AUH: variants seen among roughly 807,000 people sequenced by gnomAD.
The protein encoded by AUH is methylglutaconyl-CoA hydratase, mitochondrial.
Under a neutral mutation model 42.3 loss-of-function variants are expected in AUH, and 29 were observed. That is an observed-to-expected ratio of 0.69 (90% confidence interval 0.51 to 0.93). The LOEUF (loss-of-function observed/expected upper bound fraction) is 0.93, where lower values mean the gene tolerates loss of function less well. Among genes scored for constraint, AUH ranks in the 40% least tolerant of loss-of-function variants. AUH has a pLI of 0.00. For missense variants in AUH, 452 were observed against 438.1 expected, an observed-to-expected ratio of 1.03 and a Z score of -0.28; for synonymous variants, 174 against 166.4, an observed-to-expected ratio of 1.05 and a Z score of -0.35.
At chr9:91,223,007 A>G (rs1827220810) in intron 6 of AUH, among the ~76,000 whole-genome samples, 1 of 152,228 alleles carries the variant, frequency 6.6e-6, no homozygotes, top group Admixed American at 6.5e-5. Flanking sequence ...AACTTAACAA[A>G]GTAATGGTCA....
At chr9:91,288,866 T>C (rs900713302) in intron 6 of AUH, among the ~76,000 whole-genome samples, 2 of 152,314 alleles carry the variant, frequency 1.3e-5, no homozygotes, top group Non-Finnish European at 2.9e-5. Context: ...ATATGTTCAA[T>C]AGAAATATTA....
intron 6 of AUH, among the ~76,000 whole-genome samples, chr9:91,268,392 G>A (rs1386604381): frequency 6.6e-6 from 1 of 151,952 alleles, no homozygotes; most frequent in Admixed American, 6.6e-5. Flanking sequence ...GAAAGTGCAA[G>A]GACCACACAC....
chr9:91,224,756 T>C (rs1225209033), intron 6 of AUH, among the ~76,000 whole-genome samples: 1 of 152,190 alleles, frequency 6.6e-6, no homozygotes, highest in Non-Finnish European at 1.5e-5. Flanking sequence ...GGCAAGAAAT[T>C]ATCCCAGTTT....
chr9:91,306,985 T>C (rs983770515), intron 4 of AUH, among the ~76,000 whole-genome samples: 2 of 152,102 alleles, frequency 1.3e-5, no homozygotes, highest in Non-Finnish European at 2.9e-5. Flanking sequence ...AGCGAATACA[T>C]ACAAAAATTA....
chr9:91,296,919 G>A (rs1198416755), intron 5 of AUH, among the ~76,000 whole-genome samples: 1 of 152,178 alleles, frequency 6.6e-6, no homozygotes, highest in Non-Finnish European at 1.5e-5. Flanking sequence ...TTGAACTCCT[G>A]GCCTCAATCA....
At chr9:91,233,922 A>G (rs1269452195) in intron 6 of AUH, among the ~76,000 whole-genome samples, 2 of 152,214 alleles carry the variant, frequency 1.3e-5, no homozygotes, top group Non-Finnish European at 2.9e-5. Flanking sequence ...TATTTTTAAC[A>G]CCAGTGATTC....
rs777894807 is a variant in AUH, at chr9:91,297,935, C to T, written c.598+49G>A. On this transcript the variant is annotated intron_variant, in intron 5 of 9. Coordinates refer to ENST00000375731, the MANE Select transcript of AUH (RefSeq NM_001698.3). ...TATTTAAAATTACCTGAAGAGTAAA[C>T]ACAACCTTCACTTTTTTAAATTATG... is the stretch of plus-strand genomic sequence containing the variant. 3.6e-6 allele frequency: 5 copies of T among 1,393,304 alleles called. 1 individual carries two copies. The highest frequency in any genetic ancestry group is 3.5e-5 in the South Asian group (3 of 86,044). 86.3% of individuals were successfully genotyped at this position (1,393,304 alleles called of 1,614,324 possible). A position where few individuals can be genotyped will look rare whatever the true frequency, so the allele number is the denominator to read the frequency against.
At chr9:91,275,630 A>G (rs900663704) in intron 6 of AUH, among the ~76,000 whole-genome samples, 6 of 152,258 alleles carry the variant, frequency 3.9e-5, no homozygotes, top group Non-Finnish European at 8.8e-5. Flanking sequence ...CTTTGTTTTC[A>G]TAAAATGTCA....
chr9:91,220,928 C>T lies in AUH; in HGVS notation c.720G>A (p.Ala240=), dbSNP rs780040124. 1.2e-5 allele frequency: 20 copies of T among 1,614,084 alleles called. No homozygotes were observed. Among genetic ancestry groups the T allele is most frequent in the African/African-American group, 6.7e-5 (5 of 74,928 alleles). ...MSLAKELIFS[A]RVLDGKEAKA... ...TGGCTTCTTTGCCATCGAGGACTCG[C>T]GCAGAGAATATGAGCTCCTTGGCCA... The change falls in exon 7 of 10, where the codon GCG becomes GCA. Residue 240 remains alanine (A), a synonymous_variant. Transcript: ENST00000375731.
At chr9:91,235,963 CCTGAAGACGCCTTACT>C (rs2131314104) in intron 6 of AUH, among the ~76,000 whole-genome samples, 1 of 152,260 alleles carries the variant, frequency 6.6e-6, no homozygotes, top group South Asian at 2.1e-4. Flanking sequence ...CCTTATCAAT[CCTGAAGACGCCTTACT>C]CTGTGACTGC....
At chr9:91,294,044 G>A (rs1361755804) in intron 6 of AUH, among the ~76,000 whole-genome samples, 1 of 152,170 alleles carries the variant, frequency 6.6e-6, no homozygotes, top group Non-Finnish European at 1.5e-5. Context: ...CTGGTTTCCA[G>A]CATAGTTTAC....
chr9:91,293,918 G>A (rs1233896407), intron 6 of AUH, among the ~76,000 whole-genome samples: 1 of 152,196 alleles, frequency 6.6e-6, no homozygotes, highest in Non-Finnish European at 1.5e-5. Context: ...GTGGCTTTTA[G>A]TTAAAGCCAC....
chr9:91,269,804 T>C (rs924030049), intron 6 of AUH, among the ~76,000 whole-genome samples: 13 of 152,210 alleles, frequency 8.5e-5, no homozygotes, highest in Non-Finnish European at 1.5e-5. Context: ...TAAACACTCG[T>C]GCTCTGGGAA....
intron 6 of AUH, among the ~76,000 whole-genome samples, chr9:91,236,241 C>A (rs1828169934): frequency 7.8e-6 from 1 of 128,766 alleles, no homozygotes; most frequent in Admixed American, 8.6e-5. Context: ...CAATTTCTAG[C>A]TAACTGGTGG....
At position 91,296,040 on chromosome 9, in the gene AUH, C is replaced by T. The variant is rs745359623; in HGVS notation, c.636G>A (p.Leu212=). The change falls in exon 6 of 10, where the codon TTG becomes TTA. Residue 212 remains leucine, a synonymous_variant. Transcript: ENST00000375731. ...TCATACCTCCACCAGGAATAATCGCCAATTTTGTTTCAACCAGGCCCATTT... is the reference window on the plus strand; with the variant it reads ...TCATACCTCCACCAGGAATAATCGCTAATTTTGTTTCAACCAGGCCCATTT... ...SAKMGLVETK[L]AIIPGGGGTQ... is the part of the protein sequence containing the mutation. 6 of 1,613,954 alleles carry T rather than the reference C, an allele frequency of 3.7e-6. No homozygotes were observed. In the Admixed American group the frequency reaches 5.0e-5, roughly 13 times the overall value.
rs1381025059 is a variant in AUH, at chr9:91,351,769, T to C, written c.418+4114A>G. On this transcript the variant is annotated intron_variant, in intron 3 of 9. Coordinates refer to ENST00000375731, the MANE Select transcript of AUH (RefSeq NM_001698.3). ...CGAGGGATCTAGGTTGCACGCTCCT[T>C]ATGAGAATCAGGCCAAGGTGGCCTG... Among the ~76,000 whole-genome samples the C allele has an allele frequency of 3.3e-5, 5 of 152,098 alleles. 1 individual carries two copies. The East Asian group carries it at 7.7e-4, about 23-fold the overall frequency.
intron 4 of AUH, among the ~76,000 whole-genome samples, chr9:91,314,671 G>A (rs939962516): frequency 2.0e-5 from 3 of 151,298 alleles, no homozygotes; most frequent in African/African-American, 7.3e-5. Context: ...GGCTGAATTC[G>A]TAGCTATGAT....
At position 91,347,081 on chromosome 9, in the gene AUH, C is replaced by T. The variant is rs546725967; in HGVS notation, c.418+8802G>A. The stretch of plus-strand genomic sequence containing the variant: ...AGACAGGGTCTCACTTTGTCACCCA[C>T]GCTGGAGCACAGTGGCACAATCACA... On this transcript the variant is annotated intron_variant, in intron 3 of 9. Coordinates refer to ENST00000375731, the MANE Select transcript of AUH (RefSeq NM_001698.3). 3.3e-5 allele frequency among the ~76,000 whole-genome samples: 5 copies of T among 152,096 alleles called. No individual in the cohort carries two copies. In the East Asian group the frequency reaches 7.8e-4, roughly 24 times the overall value.
chr9:91,282,939 G>T (rs1176723570), intron 6 of AUH, among the ~76,000 whole-genome samples: 1 of 152,096 alleles, frequency 6.6e-6, no homozygotes, highest in African/African-American at 2.4e-5. Context: ...AGAAAAAGAG[G>T]GAATCTTCCC....
Sources: allele counts gnomAD v4.1 joint callset (sites outside exome capture counted in the v4.1 genomes callset), GRCh38; gene constraint gnomAD v4.1.1; transcripts MANE v1.5; gene names NCBI Gene and HGNC (gene_info 2026-07-23, HGNC 2026-07-21).